CAPZB: variants seen among roughly 807,000 people sequenced by gnomAD.
CAPZB encodes F-actin-capping protein subunit beta.
Under a neutral mutation model 38.1 loss-of-function variants are expected in CAPZB, and 2 were observed. The observed-to-expected ratio is 0.05, with a 90% CI of 0.02 to 0.17. CAPZB has a LOEUF of 0.17. Among genes scored for constraint, CAPZB ranks in the 10% least tolerant of loss-of-function variants. The pLI is 1.00. For missense variants in CAPZB, 161 were observed against 334.2 expected (o/e 0.48, Z 4.04); for synonymous variants, 107 against 127.4 (o/e 0.84, Z 1.08).
At chr1:19,411,029 T>C (rs2094354973) in intron 2 of CAPZB, among the ~76,000 whole-genome samples, 2 of 152,124 alleles carry the variant, frequency 1.3e-5, no homozygotes. Flanking sequence ...CTTGCTGACA[T>C]CTGATGGAGA....
intron 1 of CAPZB, among the ~76,000 whole-genome samples, chr1:19,478,189 C>T (rs925560848): frequency 6.6e-6 from 1 of 152,124 alleles, no homozygotes; most frequent in Non-Finnish European, 1.5e-5. Context: ...CAGAATGAGC[C>T]CCTTAAGACC....
Position 19,346,862 on chromosome 1 carries a change from C to T in CAPZB, c.589-1610G>A, listed in dbSNP as rs552661603. Among the ~76,000 whole-genome samples, 1,012 of 129,160 alleles carry T rather than the reference C, an allele frequency of 7.8e-3. 7 individuals carry two copies. The highest frequency in any genetic ancestry group is 0.028 in the African/African-American group (945 of 33,754). 84.7% of individuals were successfully genotyped at this position (129,160 alleles called of 152,430 possible). A position where few individuals can be genotyped will look rare whatever the true frequency, so the allele number is the denominator to read the frequency against. On this transcript the variant is annotated intron_variant, in intron 6 of 8. Coordinates refer to ENST00000264202, the MANE Select transcript of CAPZB (RefSeq NM_004930.5). The stretch of plus-strand genomic sequence containing the variant: ...TTTTGAGACGGAGTTTCGCTCTTGT[C>T]GCCCAGGCTGGAGTGCAATGGTGCA...
Position 19,426,621 on chromosome 1 carries a change from G to A in CAPZB, c.4-6871C>T, listed in dbSNP as rs180772739. Among the ~76,000 whole-genome samples the A allele has an allele frequency of 3.2e-3, 481 of 152,282 alleles. 3 individuals carry two copies. The highest frequency in any genetic ancestry group is 0.01 in the African/African-American group (436 of 41,544). On this transcript the variant is annotated intron_variant, in intron 1 of 8. Coordinates refer to ENST00000264202, the MANE Select transcript of CAPZB (RefSeq NM_004930.5). ...CACTCAACTGCCCCGAGGCCACCCT[G>A]TGCAGAAGACTTCCTGAGACTCCAT... is the stretch of plus-strand genomic sequence containing the variant.
rs1047948600 is a variant in CAPZB at position 19,382,536 on chromosome 1, T to C, written c.215+2969A>G. 5.9e-5 allele frequency among the ~76,000 whole-genome samples: 9 copies of C among 152,130 alleles called. No homozygotes were observed. In the East Asian group the frequency reaches 1.3e-3, roughly 23 times the overall value. ...AATCTGTGGACAGAATCAGAAGACC[T>C]TGAAGTTTCATATCGAGAAGAGGAG... On this transcript the variant is annotated intron_variant, in intron 3 of 8. Coordinates refer to ENST00000264202, the MANE Select transcript of CAPZB (RefSeq NM_004930.5).
chr1:19,413,674 C>A (rs769682316), intron 2 of CAPZB, among the ~76,000 whole-genome samples: 22 of 152,074 alleles, frequency 1.4e-4, no homozygotes, highest in Non-Finnish European at 2.6e-4. Flanking sequence ...AAATAAAGGA[C>A]GAAAAATGCT....
Position 19,485,491 on chromosome 1 carries a change from G to A in CAPZB, c.-53C>T, listed in dbSNP as rs1338156340. ...CCCGGCGTCAGTGGCTCTCCCCCCC[G>A]CAGCAGGGCCCGGCGCTTCCACTTC... On this transcript the variant is annotated 5_prime_UTR_variant, in exon 1 of 9. Coordinates refer to ENST00000264202, the MANE Select transcript of CAPZB (RefSeq NM_004930.5). 2 of 1,213,452 alleles carry A rather than the reference G, an allele frequency of 1.6e-6. No individual in the cohort carries two copies. The highest frequency in any genetic ancestry group is 1.6e-5 in the African/African-American group (1 of 63,540). The allele number at this position is 1,213,452 out of a possible 1,614,324, so 75.2% of individuals were successfully genotyped here.
chr1:19,440,358 G>A (rs1024012571), intron 1 of CAPZB, among the ~76,000 whole-genome samples: 2 of 152,132 alleles, frequency 1.3e-5, no homozygotes, highest in Admixed American at 6.6e-5. Flanking sequence ...CCTTTGTAAT[G>A]AATATGTGAG....
intron 4 of CAPZB, among the ~76,000 whole-genome samples, chr1:19,367,443 A>C (rs976782682): frequency 1.3e-5 from 2 of 152,212 alleles, no homozygotes; most frequent in African/African-American, 4.8e-5. Flanking sequence ...AGAAACACAA[A>C]GTGCCGCTTA....
chr1:19,372,808 C>T (rs2094125913), intron 4 of CAPZB, among the ~76,000 whole-genome samples: 2 of 152,124 alleles, frequency 1.3e-5, no homozygotes, highest in South Asian at 2.1e-4. Flanking sequence ...TCGTGACATC[C>T]CCTGGATGAG....
chr1:19,475,093 C>T (rs914798812), intron 1 of CAPZB, among the ~76,000 whole-genome samples: 6 of 152,138 alleles, frequency 3.9e-5, no homozygotes, highest in Admixed American at 2.0e-4. Context: ...TAACACACTA[C>T]GAGTCCATGT....
intron 1 of CAPZB, among the ~76,000 whole-genome samples, chr1:19,478,116 T>C (rs1279927516): frequency 1.3e-5 from 2 of 152,156 alleles, no homozygotes; most frequent in South Asian, 2.1e-4. Context: ...CAAGCTGCAA[T>C]GTGGTAAGAG....
Position 19,385,584 on chromosome 1 carries a change from G to T in CAPZB, c.136C>A (p.Pro46Thr). ...ACCTTGTCTCTGGCAATTTTCAGTG[G>T]CTGGTCAACAGAAGACAGGAGATCC... Reference protein sequence around the residue: ...CEDLLSSVDQPLKIARDKVVG... With the variant: ...CEDLLSSVDQTLKIARDKVVG... Residue 46 changes from proline to threonine, a missense_variant, in exon 3 of 9, where the codon CCA becomes ACA. Physicochemically the swap from Pro to Thr is conservative, Grantham distance 38 (BLOSUM62 -1). Coordinates refer to ENST00000264202, the MANE Select transcript of CAPZB (RefSeq NM_004930.5). 1 of 1,614,142 alleles carries T rather than the reference G, an allele frequency of 6.2e-7. No individual in the cohort carries two copies. Among genetic ancestry groups the T allele is most frequent in the Non-Finnish European group, 8.5e-7 (1 of 1,179,990 alleles).
chr1:19,483,070 G>A (rs536266043), intron 1 of CAPZB, among the ~76,000 whole-genome samples: 11 of 152,202 alleles, frequency 7.2e-5, no homozygotes, highest in African/African-American at 1.4e-4. Context: ...ATACAGCTGC[G>A]GAAAACACAA....
At chr1:19,359,385 C>A (rs1246284990) in intron 4 of CAPZB, among the ~76,000 whole-genome samples, 2 of 152,116 alleles carry the variant, frequency 1.3e-5, no homozygotes, top group African/African-American at 4.8e-5. Context: ...GGCTGGTCTG[C>A]CCTCACTCCA....
intron 1 of CAPZB, among the ~76,000 whole-genome samples, chr1:19,471,865 C>CAAAAAAAAAAAAA (rs59289947): frequency 7.4e-6 from 1 of 134,420 alleles, no homozygotes; most frequent in African/African-American, 3.0e-5. Flanking sequence ...GACTCCGTCT[C>CAAAAAAAAAAAAA]AAAAAAAAAA....
At position 19,357,504 on chromosome 1, in the gene CAPZB, C is replaced by G; in HGVS notation, c.389G>C (p.Gly130Ala). Reference protein sequence around the residue: ...YLWDLDHGFAGVILIKKAGDG... With the variant: ...YLWDLDHGFAAVILIKKAGDG... Reference sequence around the variant, plus strand: ...TCCAGCCTTCTTTATGAGGATCACTCCAGCAAAGCCATGATCCAGATCCCA... The same window carrying G: ...TCCAGCCTTCTTTATGAGGATCACTGCAGCAAAGCCATGATCCAGATCCCA... Residue 130 changes from glycine to alanine, a missense_variant, in exon 5 of 9, where the codon GGA (glycine) becomes GCA (alanine). Physicochemically the swap from Gly to Ala is moderately conservative, Grantham distance 60. Transcript: ENST00000264202. This position sits in a 1 kb window ranked among gnomAD's most constrained non-coding sequence, Gnocchi z 4.3. The G allele has an allele frequency of 1.9e-6, 3 of 1,613,848 alleles. No homozygotes were observed. The highest frequency in any genetic ancestry group is 2.5e-6 in the Non-Finnish European group (3 of 1,179,876).
At chr1:19,388,365 C>T (rs1239662837) in intron 2 of CAPZB, among the ~76,000 whole-genome samples, 2 of 152,120 alleles carry the variant, frequency 1.3e-5, no homozygotes, top group Middle Eastern at 3.4e-3. Context: ...ACAGCAAATG[C>T]TTAATATATT....
chr1:19,459,313 T>C (rs2094543032), intron 1 of CAPZB, among the ~76,000 whole-genome samples: 1 of 152,190 alleles, frequency 6.6e-6, no homozygotes. Flanking sequence ...AACAAATGTC[T>C]ATCAAAGTCT....
chr1:19,484,289 G>A (rs1204653225), intron 1 of CAPZB: 7 of 1,609,860 alleles, frequency 4.3e-6, no homozygotes, highest in Admixed American at 3.4e-5. Context: ...TCGTGTCCAG[G>A]CCATATGCTG....
Sources: allele counts gnomAD v4.1 joint callset (sites outside exome capture counted in the v4.1 genomes callset), GRCh38; gene constraint gnomAD v4.1.1; non-coding constraint Gnocchi (gnomAD v3.1); transcripts MANE v1.5; gene names NCBI Gene and HGNC (gene_info 2026-07-23, HGNC 2026-07-21).